Variants in PARG observed in about 807,000 individuals in gnomAD.
PARG encodes the protein poly(ADP-ribose) glycohydrolase, also known as mitochondrial poly(ADP-ribose) glycohydrolase.
Under a neutral mutation model 113.0 loss-of-function variants are expected in PARG, and 35 were observed. The ratio of observed to expected loss-of-function variants is 0.31; its 90% CI spans 0.24 to 0.41. The LOEUF is 0.41. Among genes scored for constraint, PARG ranks in the 10% least tolerant of loss-of-function variants. PARG has a pLI of 1.00. For missense variants in PARG, 797 were observed against 1,169.4 expected, an observed-to-expected ratio of 0.68 and a Z score of 4.64; for synonymous variants, 330 against 409.9, an observed-to-expected ratio of 0.81 and a Z score of 2.36.
chr10:49,820,232 C>T lies in PARG; in HGVS notation c.2709G>A (p.Gly903=), dbSNP rs377178869. The T allele has an allele frequency of 6.5e-6, 10 of 1,544,116 alleles. No homozygotes were observed. In the African/African-American group the frequency reaches 6.9e-5, roughly 11 times the overall value. ...AAATGTCTCTCATCAATTCTGAGTC[C>T]CCAAAGGTGAAATAAACCACATCTC... ...AERDVVYFTF[G]DSELMRDIYS... Residue 903 remains glycine (G), a synonymous_variant, in exon 17 of 18, where the codon GGG becomes GGA. Transcript: ENST00000616448.
intron 7 of PARG, among the ~76,000 whole-genome samples, chr10:49,892,728 T>A (rs1474800707): frequency 6.6e-6 from 1 of 152,208 alleles, no homozygotes; most frequent in East Asian, 1.9e-4. Context: ...ATGCATTTTT[T>A]AATGCGTTTT....
chr10:49,921,232 G>T (rs1837851855), intron 6 of PARG, among the ~76,000 whole-genome samples: 1 of 152,110 alleles, frequency 6.6e-6, no homozygotes, highest in South Asian at 2.1e-4. Flanking sequence ...CAACTGCATT[G>T]TATCTAAAGC....
At chr10:49,909,094 C>A (rs1554845620) in intron 7 of PARG, among the ~76,000 whole-genome samples, 15 of 152,024 alleles carry the variant, frequency 9.9e-5, no homozygotes, top group Non-Finnish European at 7.4e-5. Flanking sequence ...ATGAGATAAG[C>A]TACTCATAAT....
chr10:49,893,477 A>T (rs1243890633), intron 7 of PARG, among the ~76,000 whole-genome samples: 1 of 152,168 alleles, frequency 6.6e-6, no homozygotes. Context: ...TTGTCAGATA[A>T]ACATTTTGCA....
At chr10:49,908,318 G>A (rs1185176987) in intron 7 of PARG, 1 of 152,106 alleles carries the variant, frequency 6.6e-6, no homozygotes, top group Non-Finnish European at 1.5e-5. Context: ...AACCAAACCA[G>A]GGAGAGAAAT....
intron 4 of PARG, among the ~76,000 whole-genome samples, chr10:49,923,446 G>A (rs1271622653): frequency 1.1e-4 from 16 of 151,988 alleles, no homozygotes; most frequent in Non-Finnish European, 1.8e-4. Context: ...ACATGTGTAC[G>A]TGTACACATG....
rs1588887461 is a variant in PARG, at chr10:49,843,592, T to G, written c.2394A>C (p.Thr798=). The change falls in exon 14 of 18, where the codon ACA becomes ACC. Residue 798 remains threonine, a synonymous_variant. Transcript: ENST00000616448. ...QYSEYTGYAE[T]YRWSRSHEDG... Reference sequence around the variant, plus strand: ...CTTCGTGGCTCCGGGACCAACGATATGTCTCAGCATAGCCTGTGTATTCAC... The same window carrying G: ...CTTCGTGGCTCCGGGACCAACGATAGGTCTCAGCATAGCCTGTGTATTCAC... 9.0e-6 allele frequency: 14 copies of G among 1,551,186 alleles called. No individual in the cohort carries two copies. In the East Asian group the frequency reaches 3.4e-4, roughly 38 times the overall value.
chr10:49,819,974 A>G (rs1253373461), intron 17 of PARG, among the ~76,000 whole-genome samples, 191 bp downstream of exon 17: 1 of 152,166 alleles, frequency 6.6e-6, no homozygotes, highest in African/African-American at 2.4e-5. Flanking sequence ...CCCTATCAAG[A>G]CTGTGGATGA....
chr10:49,899,584 T>C (rs567900867), intron 7 of PARG, among the ~76,000 whole-genome samples: 70 of 152,286 alleles, frequency 4.6e-4, no homozygotes, highest in Non-Finnish European at 8.7e-4. Context: ...CAGGTTAACA[T>C]GGTCATATTT....
intron 7 of PARG, among the ~76,000 whole-genome samples, chr10:49,901,949 G>T (rs1476404913): frequency 6.6e-6 from 1 of 152,180 alleles, no homozygotes. Context: ...TGCTGTCCAG[G>T]ATGGCAGCCG....
chr10:49,913,723 C>CA (rs1463078718), intron 7 of PARG, among the ~76,000 whole-genome samples: 3 of 151,958 alleles, frequency 2.0e-5, no homozygotes, highest in African/African-American at 7.2e-5. Flanking sequence ...GCCAACATGG[C>CA]AAAACCCCAT....
chr10:49,893,459 C>T (rs1847912180), intron 7 of PARG, among the ~76,000 whole-genome samples: 1 of 152,142 alleles, frequency 6.6e-6, no homozygotes, highest in Admixed American at 6.5e-5. Flanking sequence ...ATTCTGGATA[C>T]ATGTCCCTTG....
intron 7 of PARG, among the ~76,000 whole-genome samples, chr10:49,902,925 C>T (rs1325406029): frequency 4.6e-5 from 7 of 151,906 alleles, no homozygotes; most frequent in East Asian, 3.9e-4. Context: ...CTCTGCCTCC[C>T]GGGTTCAAGT....
intron 11 of PARG, among the ~76,000 whole-genome samples, 199 bp downstream of exon 11, chr10:49,865,122 T>C (rs1375446847): frequency 6.6e-6 from 1 of 152,040 alleles, no homozygotes; most frequent in Non-Finnish European, 1.5e-5. Flanking sequence ...CAAAGGGTTA[T>C]AGACTTTGAT....
chr10:49,839,745 G>C (rs1450092910), intron 15 of PARG, among the ~76,000 whole-genome samples: 3 of 152,206 alleles, frequency 2.0e-5, no homozygotes, highest in Non-Finnish European at 4.4e-5. Context: ...GAATGATCTA[G>C]TTCTCATAGA....
chr10:49,936,897 C>T lies in PARG; in HGVS notation c.218-1755G>A, dbSNP rs1360896458. Among the ~76,000 whole-genome samples, 41 of 152,252 alleles carry T rather than the reference C, an allele frequency of 2.7e-4. 1 individual carries two copies. In the South Asian group the frequency reaches 8.1e-3, roughly 30 times the overall value. ...ATTGCTATATAATCTTTACCTTCCACAAAATACTTATAATCCAGCTAGTAA... is the reference window on the plus strand; with the variant it reads ...ATTGCTATATAATCTTTACCTTCCATAAAATACTTATAATCCAGCTAGTAA... On this transcript the variant is annotated intron_variant, in intron 1 of 17. Transcript: ENST00000616448.
At chr10:49,867,022 C>T (rs1316779480) in intron 10 of PARG, 2 of 151,290 alleles carry the variant, frequency 1.3e-5, no homozygotes, top group South Asian at 2.1e-4. Flanking sequence ...TGTTTTTTCA[C>T]GTTACATTTC....
chr10:49,887,826 T>A (rs1847572644), intron 7 of PARG, among the ~76,000 whole-genome samples: 1 of 152,228 alleles, frequency 6.6e-6, no homozygotes. Context: ...AGTGTGTCAT[T>A]TTTAAAATTC....
intron 6 of PARG, among the ~76,000 whole-genome samples, chr10:49,921,254 T>TAC (rs1230270003): frequency 6.6e-6 from 1 of 152,218 alleles, no homozygotes; most frequent in African/African-American, 2.4e-5. Flanking sequence ...TTAGAACTAG[T>TAC]CAGGTGCTCC....
Sources: allele counts gnomAD v4.1 joint callset (sites outside exome capture counted in the v4.1 genomes callset), GRCh38; gene constraint gnomAD v4.1.1; transcripts MANE v1.5; gene names NCBI Gene and HGNC (gene_info 2026-07-23, HGNC 2026-07-21).